CCDC68: variants seen among roughly 807,000 people sequenced by gnomAD.
CCDC68 encodes coiled-coil domain-containing protein 68.
A neutral mutation model predicts 47.1 loss-of-function variants in CCDC68; 45 were observed. That is an observed-to-expected ratio of 0.96 (90% CI 0.75 to 1.23). The LOEUF (loss-of-function observed/expected upper bound fraction) is 1.23. Among genes scored for constraint, CCDC68 ranks in the 50% most tolerant of loss-of-function variants. The pLI, the probability that CCDC68 is intolerant of heterozygous loss-of-function variation, is 0.00. For missense variants in CCDC68, 353 were observed against 373.6 expected (o/e 0.94, Z 0.45); for synonymous variants, 131 against 129.5 (o/e 1.01, Z -0.08).
At chr18:54,931,013 C>T (rs1380820938) in intron 7 of CCDC68, among the ~76,000 whole-genome samples, 13 of 151,864 alleles carry the variant, frequency 8.6e-5, no homozygotes, top group African/African-American at 2.2e-4. Flanking sequence ...CCACTGCGCC[C>T]GGCCCACAGA....
At chr18:54,955,595 G>A (rs1472577308) in intron 1 of CCDC68, among the ~76,000 whole-genome samples, 1 of 152,228 alleles carries the variant, frequency 6.6e-6, no homozygotes, top group Non-Finnish European at 1.5e-5. Context: ...ACAAAGCAAG[G>A]TCAGTGGAGA....
At position 54,901,649 on chromosome 18, in the gene CCDC68, T is replaced by C. The variant is rs1235322749; in HGVS notation, c.*2709A>G. On this transcript the variant is annotated 3_prime_UTR_variant, in exon 12 of 12. Coordinates refer to ENST00000591504, the MANE Select transcript of CCDC68 (RefSeq NM_025214.3). ...TAATTGTTTAAACATTTTATAATGA[T>C]AATTTGTAACAACATATGTAATCAA... 6.6e-6 allele frequency: 1 copy of C among 152,232 alleles called. No homozygotes were observed. Among genetic ancestry groups the C allele is most frequent in the Non-Finnish European group, 1.5e-5 (1 of 68,032 alleles). The allele number at this position is 152,232 out of a possible 1,614,324, so 9.4% of individuals were successfully genotyped here. A position where few individuals can be genotyped will look rare whatever the true frequency, so the allele number is the denominator to read the frequency against.
At chr18:54,915,878 G>A (rs943723469) in intron 10 of CCDC68, among the ~76,000 whole-genome samples, 2 of 152,054 alleles carry the variant, frequency 1.3e-5, no homozygotes, top group Admixed American at 6.5e-5. Flanking sequence ...GCAGTGAGCC[G>A]AGATCATGCC....
intron 1 of CCDC68, among the ~76,000 whole-genome samples, chr18:54,951,944 A>G (rs1944368): frequency 0.36 from 54,710 of 152,114 alleles, 10,259 homozygotes; most frequent in East Asian, 0.58. Context: ...GAGAATGCCA[A>G]CCTTCTCAGA....
At position 54,955,964 on chromosome 18, in the gene CCDC68, T is replaced by C. The variant is rs560004581; in HGVS notation, c.-103+3372A>G. Among the ~76,000 whole-genome samples the C allele has an allele frequency of 2.0e-5, 3 of 151,530 alleles. No individual in the cohort carries two copies. In the South Asian group the frequency reaches 6.3e-4, roughly 32 times the overall value. ...GTCTCCAACTCCTGACCTCAGGTGATCCACCTGCCTCAGCCTCCCAAATTG... is the reference window on the plus strand; with the variant it reads ...GTCTCCAACTCCTGACCTCAGGTGACCCACCTGCCTCAGCCTCCCAAATTG... On this transcript the variant is annotated intron_variant, in intron 1 of 11. Coordinates refer to ENST00000591504, the MANE Select transcript of CCDC68 (RefSeq NM_025214.3).
At position 54,902,109 on chromosome 18, in the gene CCDC68, G is replaced by A. The variant is rs891628794; in HGVS notation, c.*2249C>T. ...GTTAGCTTGGCCCACACTCAGGAAC[G>A]ACCAAGGGCAGTTTCGAGGCAAGAT... is the stretch of plus-strand genomic sequence containing the variant. On this transcript the variant is annotated 3_prime_UTR_variant, in exon 12 of 12. Transcript: ENST00000591504. The A allele has an allele frequency of 4.2e-5, 6 of 142,856 alleles. No individual in the cohort carries two copies. The Admixed American group carries it at 4.3e-4, about 10-fold the overall frequency. 8.8% of individuals were successfully genotyped at this position (142,856 alleles called of 1,614,324 possible).
chr18:54,955,412 C>T (rs756351364), intron 1 of CCDC68, among the ~76,000 whole-genome samples: 21 of 152,048 alleles, frequency 1.4e-4, no homozygotes, highest in Non-Finnish European at 2.8e-4. Flanking sequence ...TGAGTAGTAA[C>T]TTAAGGGCAC....
intron 11 of CCDC68, among the ~76,000 whole-genome samples, chr18:54,905,464 G>GAA (rs145728506): frequency 2.8e-5 from 3 of 108,332 alleles, no homozygotes; most frequent in African/African-American, 1.0e-4. Context: ...AAGTAAAAAA[G>GAA]AAAAAACCTT....
chr18:54,926,091 C>T (rs1031777928), intron 8 of CCDC68, among the ~76,000 whole-genome samples: 1 of 152,198 alleles, frequency 6.6e-6, no homozygotes, highest in Non-Finnish European at 1.5e-5. Flanking sequence ...GCTTCAAGGT[C>T]TTTCCTCCTC....
chr18:54,936,852 T>C lies in CCDC68; in HGVS notation c.452A>G (p.Asp151Gly), dbSNP rs74991234. 71,976 of 1,613,860 alleles carry C rather than the reference T, an allele frequency of 0.045. 1,839 individuals carry two copies. The highest frequency in any genetic ancestry group is 0.085 in the Middle Eastern group (516 of 6,062). ...TGGTACCTGGAGTAATTGTTTACTG[T>C]CCTCCTGCTTCTTTCTCACTTCTTC... ...QSEEVRKKQE[D>G]SKQLLQVNKL... Residue 151 changes from aspartate (D) to glycine (G), a missense_variant, in exon 6 of 12, where the codon GAC becomes GGC. Asp to Gly is a moderately conservative substitution (Grantham distance 94, BLOSUM62 -1). Transcript: ENST00000591504.
chr18:54,946,485 T>C (rs1340270573), intron 1 of CCDC68, among the ~76,000 whole-genome samples: 3 of 152,210 alleles, frequency 2.0e-5, no homozygotes, highest in Non-Finnish European at 4.4e-5. Flanking sequence ...TGATTTACTT[T>C]CATTTTCCTT....
At chr18:54,906,678 A>G (rs770317637) in intron 11 of CCDC68, among the ~76,000 whole-genome samples, 8 of 152,062 alleles carry the variant, frequency 5.3e-5, no homozygotes, top group East Asian at 1.9e-4. Context: ...AACTTTTCAC[A>G]TCTTCCCCAA....
At chr18:54,928,699 A>G in intron 8 of CCDC68, 101 bp downstream of exon 8, 1 of 731,448 alleles carries the variant, frequency 1.4e-6, no homozygotes, top group Non-Finnish European at 2.4e-6. Flanking sequence ...CAGTCATCCT[A>G]TTTCTTTGGG....
At chr18:54,904,447 G>C in intron 11 of CCDC68, 32 bp from the exon 12 acceptor site, 1 of 1,572,100 alleles carries the variant, frequency 6.4e-7, no homozygotes, top group Non-Finnish European at 8.8e-7. Context: ...GATCAAAATG[G>C]AGAATGTTAA....
At chr18:54,943,466 T>C (rs929748076) in intron 2 of CCDC68, among the ~76,000 whole-genome samples, 1 of 152,128 alleles carries the variant, frequency 6.6e-6, no homozygotes, top group Non-Finnish European at 1.5e-5. Flanking sequence ...ACCACATATA[T>C]ATATTATCTA....
intron 1 of CCDC68, among the ~76,000 whole-genome samples, chr18:54,956,181 G>T (rs2044710895): frequency 6.6e-6 from 1 of 152,110 alleles, no homozygotes; most frequent in African/African-American, 2.4e-5. Flanking sequence ...GTAGAGATGG[G>T]GTTTCACCAT....
At position 54,923,811 on chromosome 18, in the gene CCDC68, A is replaced by C. The variant is rs1049233589; in HGVS notation, c.684-4435T>G. On this transcript the variant is annotated intron_variant, in intron 8 of 11. Transcript: ENST00000591504. ...ACTGCAACCTCCAGCTCCTGGGTAT[A>C]AGTGATTCTCCTGCCTTAGCCTCTT... Among the ~76,000 whole-genome samples the C allele has an allele frequency of 2.6e-5, 4 of 151,848 alleles. No homozygotes were observed. The East Asian group carries it at 7.7e-4, about 29-fold the overall frequency.
chr18:54,948,075 A>G (rs976636944), intron 1 of CCDC68, among the ~76,000 whole-genome samples: 1 of 152,160 alleles, frequency 6.6e-6, no homozygotes. Flanking sequence ...AATAAACACA[A>G]ACAAATGCCT....
chr18:54,903,721 G>A lies in CCDC68; in HGVS notation c.*637C>T, dbSNP rs541704875. 3 of 152,166 alleles carry A rather than the reference G, an allele frequency of 2.0e-5. No homozygotes were observed. The highest frequency in any genetic ancestry group is 2.9e-5 in the Non-Finnish European group (2 of 68,056). 9.4% of individuals were successfully genotyped at this position (152,166 alleles called of 1,614,324 possible). A position where few individuals can be genotyped will look rare whatever the true frequency, so the allele number is the denominator to read the frequency against. ...AAGAACAGTCATTCTCTGATGTGTG[G>A]TGAGGCAGCCATGATTCTCAACTTC... is the stretch of plus-strand genomic sequence containing the variant. On this transcript the variant is annotated 3_prime_UTR_variant, in exon 12 of 12. Coordinates refer to ENST00000591504, the MANE Select transcript of CCDC68 (RefSeq NM_025214.3).
Sources: gnomAD v4.1 joint callset for allele counts (sites outside exome capture counted in the v4.1 genomes callset) on GRCh38, gnomAD v4.1.1 for gene constraint, MANE v1.5 for transcripts, NCBI Gene and HGNC (gene_info 2026-07-23, HGNC 2026-07-21) for gene names.